MSH6: variants seen among roughly 807,000 people sequenced by gnomAD.
MSH6 encodes DNA mismatch repair protein Msh6.
Under a neutral mutation model 119.1 loss-of-function variants are expected in MSH6, and 85 were observed. That is an observed-to-expected ratio of 0.71 (90% CI 0.60 to 0.85). The LOEUF (loss-of-function observed/expected upper bound fraction) is 0.85. Among genes scored for constraint, MSH6 ranks in the 40% least tolerant of loss-of-function variants. The probability of loss-of-function intolerance (pLI) is 0.00; values close to 1 mark genes in which losing one functional copy is unlikely to be tolerated. For synonymous variants in MSH6, 830 were observed against 586.9 expected, an observed-to-expected ratio of 1.41 and a Z score of -5.99; for missense variants, 2,163 against 1,655.3, an observed-to-expected ratio of 1.31 and a Z score of -5.32.
Position 47,803,464 on chromosome 2 carries a change from C to T in MSH6, c.3217C>T (p.Pro1073Ser), listed in dbSNP as rs142254875. The part of the protein sequence containing the change: ...LANYSRGGDG[P>S]MCRPVILLPE... ...TAACTATAGTCGAGGGGGTGATGGT[C>T]CTATGTGTCGCCCAGTAATTCTGTT... Residue 1073 changes from proline to serine, a missense_variant, in exon 5 of 10, where the codon CCT becomes TCT. Transcript: ENST00000234420. 644 of 1,614,106 alleles carry T rather than the reference C, an allele frequency of 4.0e-4. 2 individuals carry two copies. The highest frequency in any genetic ancestry group is 3.4e-4 in the Non-Finnish European group (403 of 1,180,032).
At chr2:47,807,897 CTT>C (rs1283461930), downstream of MSH6, 16 of 465,048 alleles carry the variant, frequency 3.4e-5, no homozygotes, top group East Asian at 4.5e-4. Context: ...CCCTTCAAGT[CTT>C]TACACAGTAA....
intron 1 of MSH6, among the ~76,000 whole-genome samples, chr2:47,789,837 T>C (rs368628425): frequency 5.3e-5 from 8 of 152,082 alleles, no homozygotes; most frequent in African/African-American, 1.9e-4. Flanking sequence ...TTTCCTTTTT[T>C]TTTGAGACAG....
rs1572724206 is a variant in MSH6 at position 47,799,717 on chromosome 2, T to C, written c.1734T>C (p.His578=). Residue 578 remains histidine, a synonymous_variant, in exon 4 of 10, where the codon CAT becomes CAC. Transcript: ENST00000234420. ...FFIGQFSDDR[H]CSRFRTLVAH... is the part of the protein sequence containing the mutation. ...TAGGTCAGTTTTCAGATGATCGCCA[T>C]TGTTCGAGATTTAGGACTCTAGTGG... The C allele has an allele frequency of 1.9e-6, 3 of 1,614,200 alleles. No individual in the cohort carries two copies. Among genetic ancestry groups the C allele is most frequent in the South Asian group, 2.2e-5 (2 of 91,090 alleles).
chr2:47,796,203 G>T, intron 3 of MSH6, 140 bp downstream of exon 3: 1 of 892,140 alleles, frequency 1.1e-6, no homozygotes, highest in South Asian at 1.4e-5. Context: ...GCATACTTCT[G>T]TAGTTCCCTG....
At chr2:47,783,984 G>C (rs1668186846) in intron 1 of MSH6, 1 of 1,033,882 alleles carries the variant, frequency 9.7e-7, no homozygotes, top group African/African-American at 1.7e-5. Context: ...GCGAAAGGAG[G>C]TTCCTCGGCC....
chr2:47,809,519 G>A (rs369879815), downstream of MSH6: 45 of 997,728 alleles, frequency 4.5e-5, 2 homozygotes, highest in South Asian at 2.6e-4. Context: ...AGTGACATAA[G>A]GAATCAAGTT....
chr2:47,789,493 T>C, intron 1 of MSH6: 1 of 446,012 alleles, frequency 2.2e-6, no homozygotes, highest in Non-Finnish European at 4.6e-6. Context: ...AGAAATGAAA[T>C]AATTCTTTTC....
chr2:47,784,149 G>A (rs954524665), intron 1 of MSH6: 8 of 1,005,116 alleles, frequency 8.0e-6, no homozygotes, highest in African/African-American at 1.7e-5. Flanking sequence ...GCGAGCGCGG[G>A]GGGGTGTGTC....
In MSH6 at chr2:47,791,047, C is replaced by T. The variant is rs863224334; in HGVS notation, c.381C>T (p.Val127=). The change falls in exon 2 of 10, where the codon GTC becomes GTT. Residue 127 remains valine (V), a synonymous_variant. Coordinates refer to ENST00000234420, the MANE Select transcript of MSH6 (RefSeq NM_000179.3). ...TCATCCGCGAGAAAGGGAAATCAGTCCGTGTTCATGTACAGTTTTTTGATG... is the reference window on the plus strand; with the variant it reads ...TCATCCGCGAGAAAGGGAAATCAGTTCGTGTTCATGTACAGTTTTTTGATG... ...GTFIREKGKS[V]RVHVQFFDDS... The T allele has an allele frequency of 1.2e-6, 2 of 1,614,168 alleles. No homozygotes were observed. The highest frequency in any genetic ancestry group is 1.7e-6 in the Non-Finnish European group (2 of 1,180,038).
In MSH6 at chr2:47,800,054, C is replaced by T. The variant is rs765224443; in HGVS notation, c.2071C>T (p.Leu691Phe). The T allele has an allele frequency of 2.5e-6, 4 of 1,613,884 alleles. No individual in the cohort carries two copies. Among genetic ancestry groups the T allele is most frequent in the African/African-American group, 1.3e-5 (1 of 74,866 alleles). ...TGCTCTAGGTGGTTGTGTCTTCTAC[C>T]TCAAAAAATGCCTTATTGATCAGGA... is the stretch of plus-strand genomic sequence containing the variant. ...LSALGGCVFY[L>F]KKCLIDQELL... is the part of the protein sequence containing the mutation. Residue 691 changes from leucine to phenylalanine, a missense_variant, in exon 4 of 10, where the codon CTC (leucine) becomes TTC (phenylalanine). Transcript: ENST00000234420.
downstream of MSH6, chr2:47,808,241 G>A (rs774318144): frequency 6.2e-7 from 1 of 1,612,996 alleles, no homozygotes; most frequent in Non-Finnish European, 8.5e-7. Flanking sequence ...CACAGTCACA[G>A]AAAAACCTAA....
rs1558650240 is a variant in MSH6 at position 47,788,922 on chromosome 2, GTTTTTTTTT to G, written c.261-1988_261-1980del. On this transcript the variant is annotated intron_variant, in intron 1 of 9. Transcript: ENST00000234420. Reference sequence around the variant, plus strand: ...TTTCTTCTTCCTTTTTTTTTTTTTTGTTTTTTTTTTTTTTTTTTTTTTTTTGTGAGACGG... The same window carrying G: ...TTTCTTCTTCCTTTTTTTTTTTTTTGTTTTTTTTTTTTTTTTGTGAGACGG... Among the ~76,000 whole-genome samples the G allele has an allele frequency of 2.7e-4, 11 of 40,954 alleles. No individual in the cohort carries two copies. The East Asian group carries it at 2.7e-3, about 10-fold the overall frequency. 26.9% of individuals were successfully genotyped at this position (40,954 alleles called of 152,430 possible).
chr2:47,802,370 G>A (rs1214008487), intron 4 of MSH6, among the ~76,000 whole-genome samples: 1 of 152,072 alleles, frequency 6.6e-6, no homozygotes, highest in Non-Finnish European at 1.5e-5. Context: ...GGGTCTTGCT[G>A]TTTTCAGACT....
chr2:47,799,851 C>A lies in MSH6; in HGVS notation c.1868C>A (p.Pro623His), dbSNP rs63750462. The change falls in exon 4 of 10, where the codon CCC (proline) becomes CAC (histidine). Residue 623 changes from proline to histidine, a missense_variant. Transcript: ENST00000234420. Reference protein sequence around the residue: ...LSCSLQEGLIPGSQFWDASKT... With the variant: ...LSCSLQEGLIHGSQFWDASKT... ...TGTTCTCTTCAGGAAGGTCTGATAC[C>A]CGGCTCCCAGTTTTGGGATGCATCC... The A allele has an allele frequency of 6.2e-7, 1 of 1,614,032 alleles. No individual in the cohort carries two copies. Among genetic ancestry groups the A allele is most frequent in the Admixed American group, 1.7e-5 (1 of 60,002 alleles).
chr2:47,793,348 G>T (rs1056884474), intron 2 of MSH6, among the ~76,000 whole-genome samples: 10 of 89,944 alleles, frequency 1.1e-4, no homozygotes, highest in South Asian at 6.1e-4. Flanking sequence ...AAAAAAAAAA[G>T]GCTGGGCACG....
Position 47,795,571 on chromosome 2 carries a change from T to C in MSH6, c.458-323T>C, listed in dbSNP as rs1314914536. Reference sequence around the variant, plus strand: ...ACCTCTGCCTCCCAGGTTTAAGTGATCTTCCCACCTCAGCCTCCCAAGTAG... The same window carrying C: ...ACCTCTGCCTCCCAGGTTTAAGTGACCTTCCCACCTCAGCCTCCCAAGTAG... On this transcript the variant is annotated intron_variant, in intron 2 of 9. Transcript: ENST00000234420. Among the ~76,000 whole-genome samples the C allele has an allele frequency of 2.0e-5, 3 of 151,644 alleles. No homozygotes were observed. The East Asian group carries it at 5.8e-4, about 29-fold the overall frequency.
rs3136327 is a variant in MSH6, at chr2:47,797,364, A to C, written c.628-1247A>C. Among the ~76,000 whole-genome samples the C allele has an allele frequency of 5.0e-3, 755 of 152,356 alleles. 5 individuals carry two copies. Among genetic ancestry groups the C allele is most frequent in the African/African-American group, 0.017 (723 of 41,586 alleles). The stretch of plus-strand genomic sequence containing the variant: ...TATTTTAATTTTAAGGTTGAAACTA[A>C]GGATCATAACATTATCAGAGGTCTA... On this transcript the variant is annotated intron_variant, in intron 3 of 9. Coordinates refer to ENST00000234420, the MANE Select transcript of MSH6 (RefSeq NM_000179.3).
rs756014227 is a variant in MSH6, at chr2:47,805,619, T to C, written c.3558T>C (p.Gly1186=). ...RLGASDRIMS[G]ESTFFVELSE... ...ATTTGTGATTTTTTTTTTTTTAAGG[T>C]GAAAGTACATTTTTTGTTGAATTAA... Residue 1186 remains glycine (G), a splice_region_variant and synonymous_variant, in exon 7 of 10, where the codon GGT becomes GGC. Coordinates refer to ENST00000234420, the MANE Select transcript of MSH6 (RefSeq NM_000179.3). 2 of 1,603,126 alleles carry C rather than the reference T, an allele frequency of 1.2e-6. No individual in the cohort carries two copies. Among genetic ancestry groups the C allele is most frequent in the East Asian group, 2.2e-5 (1 of 44,796 alleles).
intron 6 of MSH6, 31 bp from the exon 7 acceptor site, chr2:47,805,587 A>T (rs2104520440): frequency 7.1e-7 from 1 of 1,402,582 alleles, no homozygotes; most frequent in Non-Finnish European, 1.0e-6. Flanking sequence ...TTGCAAAATG[A>T]GTATTCATTT....
Sources: allele counts gnomAD v4.1 joint callset (sites outside exome capture counted in the v4.1 genomes callset), GRCh38; gene constraint gnomAD v4.1.1; transcripts MANE v1.5; gene names NCBI Gene and HGNC (gene_info 2026-07-23, HGNC 2026-07-21).